Variants in ATN1 observed in about 807,000 individuals in gnomAD.
ATN1 encodes atrophin 1.
A neutral mutation model predicts 85.8 loss-of-function variants in ATN1; 19 were observed. The observed-to-expected ratio is 0.22, with a 90% CI of 0.15 to 0.32. The LOEUF is 0.32. ATN1 is among the 10% of genes least tolerant of loss of function. The pLI is 1.00. For synonymous variants in ATN1, 674 were observed against 657.0 expected, an observed-to-expected ratio of 1.03 and a Z score of -0.39; for missense variants, 1,453 against 1,564.5, an observed-to-expected ratio of 0.93 and a Z score of 1.20.
rs373711205 is a variant in ATN1, at chr12:6,937,130, G to A, written c.1863G>A (p.Val621=). The change falls in exon 5 of 10, where the codon GTG becomes GTA. Residue 621 remains valine (V), a synonymous_variant. Transcript: ENST00000396684. This position sits in a 1 kb window ranked among gnomAD's most constrained non-coding sequence, Gnocchi z 6.0. ...SATLSTVIAT[V]ASSPAGYKTA... ...CCCTTTCCACGGTCATTGCCACCGT[G>A]GCTTCCTCGCCAGCAGGCTACAAAA... is the stretch of plus-strand genomic sequence containing the variant. 2 of 1,611,400 alleles carry A rather than the reference G, an allele frequency of 1.2e-6. No homozygotes were observed. The highest frequency in any genetic ancestry group is 2.7e-5 in the African/African-American group (2 of 74,874).
chr12:6,937,715 CCG>C lies in ATN1; in HGVS notation c.2295-128_2295-127del. On this transcript the variant is annotated intron_variant, in intron 5 of 9. Coordinates refer to ENST00000396684, the MANE Select transcript of ATN1 (RefSeq NM_001940.4). The surrounding 1 kb of genome is among the most constrained non-coding windows in gnomAD (Gnocchi z 6.0). ...GTCCAGGCCTAGTGGCCAGTGAGGCCCGCAGCAGCTCACAGCCTGCAGGGGTG... is the reference window on the plus strand; with the variant it reads ...GTCCAGGCCTAGTGGCCAGTGAGGCCCAGCAGCTCACAGCCTGCAGGGGTG... The C allele has an allele frequency of 2.1e-6, 3 of 1,444,874 alleles. No individual in the cohort carries two copies. The highest frequency in any genetic ancestry group is 2.7e-6 in the Non-Finnish European group (3 of 1,102,072). The allele number at this position is 1,444,874 out of a possible 1,614,324, so 89.5% of individuals were successfully genotyped here.
intron 7 of ATN1, 138 bp from the exon 8 acceptor site, chr12:6,940,742 T>G: frequency 9.4e-7 from 1 of 1,065,478 alleles, no homozygotes; most frequent in Non-Finnish European, 1.4e-6. Flanking sequence ...CCTCTAGTTC[T>G]TCCACTCTGC....
intron 1 of ATN1, among the ~76,000 whole-genome samples, chr12:6,929,063 C>A (rs2138201112): frequency 6.6e-6 from 1 of 152,324 alleles, no homozygotes; most frequent in South Asian, 2.1e-4. Flanking sequence ...CAGGTCACCT[C>A]TGACCCTGTT....
intron 1 of ATN1, among the ~76,000 whole-genome samples, chr12:6,930,353 G>A (rs74685094): frequency 1.3e-5 from 2 of 152,134 alleles, no homozygotes; most frequent in Non-Finnish European, 1.5e-5. Context: ...TAGCCTGCGA[G>A]CCCCTCCCAG....
At position 6,935,872 on chromosome 12, in the gene ATN1, C is replaced by T. The variant is rs781803346; in HGVS notation, c.605C>T (p.Thr202Ile). ...TGYHAPMEPP[T>I]SRMFQAPPGA... is the part of the protein sequence containing the mutation. ...TATCATGCTCCCATGGAGCCCCCCA[C>T]ATCTCGAATGTTCCAGGCTCCTCCT... Residue 202 changes from threonine (T) to isoleucine (I), a missense_variant, in exon 5 of 10, where the codon ACA becomes ATA. Thr to Ile is a moderately conservative substitution (Grantham distance 89). Transcript: ENST00000396684. This position sits in a 1 kb window ranked among gnomAD's most constrained non-coding sequence, Gnocchi z 5.3. 6.2e-7 allele frequency: 1 copy of T among 1,613,808 alleles called. No individual in the cohort carries two copies. Among genetic ancestry groups the T allele is most frequent in the South Asian group, 1.1e-5 (1 of 91,058 alleles).
At position 6,937,838 on chromosome 12, in the gene ATN1, C is replaced by T. The variant is rs1555144058; in HGVS notation, c.2295-7C>T. On this transcript the variant is annotated splice_polypyrimidine_tract_variant and splice_region_variant and intron_variant, in intron 5 of 9. Coordinates refer to ENST00000396684, the MANE Select transcript of ATN1 (RefSeq NM_001940.4). This position sits in a 1 kb window ranked among gnomAD's most constrained non-coding sequence, Gnocchi z 6.0. ...GCCTGAGCGCCCGCTGCTTCCACGC[C>T]CGGCAGGTTCAACAAACACCTGGAT... 1.9e-6 allele frequency: 3 copies of T among 1,551,072 alleles called. No individual in the cohort carries two copies. Among genetic ancestry groups the T allele is most frequent in the South Asian group, 2.4e-5 (2 of 83,786 alleles).
chr12:6,938,039 A>G lies in ATN1; in HGVS notation c.2489A>G (p.Glu830Gly). 1 of 1,546,364 alleles carries G rather than the reference A, an allele frequency of 6.5e-7. No individual in the cohort carries two copies. Among genetic ancestry groups the G allele is most frequent in the Non-Finnish European group, 8.7e-7 (1 of 1,146,280 alleles). Residue 830 changes from glutamate (E) to glycine (G), a missense_variant, in exon 6 of 10, where the codon GAG becomes GGG. Coordinates refer to ENST00000396684, the MANE Select transcript of ATN1 (RefSeq NM_001940.4). Reference sequence around the variant, plus strand: ...GAACGCGAGAAAGAGCGCGAGCGCGAGAAGGAGCGCGAGCTTGAACGCAGC... The same window carrying G: ...GAACGCGAGAAAGAGCGCGAGCGCGGGAAGGAGCGCGAGCTTGAACGCAGC... ...EREREKERER[E>G]KERELERSVK...
chr12:6,925,400 CAGAA>C (rs371890967), upstream of ATN1, among the ~76,000 whole-genome samples: 597 of 151,690 alleles, frequency 3.9e-3, 1 homozygote, highest in African/African-American at 0.014. Flanking sequence ...CTGAGTGGTA[CAGAA>C]AGAGAGGAAA....
At chr12:6,924,690 T>C (rs1945379122), upstream of ATN1, among the ~76,000 whole-genome samples, 2 of 152,210 alleles carry the variant, frequency 1.3e-5, no homozygotes, top group African/African-American at 4.8e-5. Context: ...ATGCCCCCTT[T>C]CCATTTCTGT....
chr12:6,934,110 A>G lies in ATN1; in HGVS notation c.28-66A>G. 1 of 1,613,472 alleles carries G rather than the reference A, an allele frequency of 6.2e-7. No homozygotes were observed. The highest frequency in any genetic ancestry group is 8.5e-7 in the Non-Finnish European group (1 of 1,179,426). On this transcript the variant is annotated intron_variant, in intron 2 of 9. Transcript: ENST00000396684. The surrounding 1 kb of genome is among the most constrained non-coding windows in gnomAD (Gnocchi z 4.5). ...AGGGTCTAGAGAAGAAGAACAAATAATGTGCACCATAAAGTTAGGTGCAAT... is the reference window on the plus strand; with the variant it reads ...AGGGTCTAGAGAAGAAGAACAAATAGTGTGCACCATAAAGTTAGGTGCAAT...
At chr12:6,938,412 G>A (rs976628740) in intron 6 of ATN1, 69 bp from the exon 7 acceptor site, 1 of 1,501,752 alleles carries the variant, frequency 6.7e-7, no homozygotes, top group African/African-American at 1.4e-5. Context: ...GAAACAAATG[G>A]GCAGCTTAAA....
upstream of ATN1, among the ~76,000 whole-genome samples, chr12:6,924,879 T>C: frequency 6.6e-6 from 1 of 152,176 alleles, no homozygotes; most frequent in East Asian, 1.9e-4. Flanking sequence ...TGAGCCTAGT[T>C]CCTAGCCTCT....
At position 6,933,940 on chromosome 12, in the gene ATN1, C is replaced by T. The variant is rs1555143270; in HGVS notation, c.-62C>T. 2 of 1,564,864 alleles carry T rather than the reference C, an allele frequency of 1.3e-6. No individual in the cohort carries two copies. The highest frequency in any genetic ancestry group is 1.7e-6 in the Non-Finnish European group (2 of 1,152,528). On this transcript the variant is annotated 5_prime_UTR_variant, in exon 2 of 10. Transcript: ENST00000396684. ...CAGCTGTGGGGAACTTGGGGTGGAGCAGAGAAGTTTCTGTATTCAGCTGCC... is the reference window on the plus strand; with the variant it reads ...CAGCTGTGGGGAACTTGGGGTGGAGTAGAGAAGTTTCTGTATTCAGCTGCC...
At position 6,934,358 on chromosome 12, in the gene ATN1, G is replaced by A; in HGVS notation, c.165+45G>A. On this transcript the variant is annotated intron_variant, in intron 3 of 9. Transcript: ENST00000396684. The surrounding 1 kb of genome is among the most constrained non-coding windows in gnomAD (Gnocchi z 4.5). Reference sequence around the variant, plus strand: ...TCCCACAGGATGCCCAAGGCACTGGGGCTGAGGGTGTGTGTGTGTTGTGGG... The same window carrying A: ...TCCCACAGGATGCCCAAGGCACTGGAGCTGAGGGTGTGTGTGTGTTGTGGG... 1.3e-6 allele frequency: 2 copies of A among 1,590,134 alleles called. No homozygotes were observed. Among genetic ancestry groups the A allele is most frequent in the Non-Finnish European group, 1.7e-6 (2 of 1,168,526 alleles).
chr12:6,927,609 C>G (rs1945411122), upstream of ATN1, among the ~76,000 whole-genome samples: 1 of 150,684 alleles, frequency 6.6e-6, no homozygotes, highest in Non-Finnish European at 1.5e-5. Flanking sequence ...CCCTCGGCCT[C>G]GGCCTCGGCC....
chr12:6,924,958 T>C (rs74057222), upstream of ATN1, among the ~76,000 whole-genome samples: 6,516 of 152,116 alleles, frequency 0.043, 442 homozygotes, highest in African/African-American at 0.14. Context: ...CCCCAAAGTA[T>C]CGGGGTTGGA....
chr12:6,925,034 GC>G (rs1463234501), upstream of ATN1, among the ~76,000 whole-genome samples: 1 of 152,070 alleles, frequency 6.6e-6, no homozygotes, highest in Non-Finnish European at 1.5e-5. Context: ...TTGTGCCGTT[GC>G]CTGGAGACCA....
chr12:6,940,618 AG>A (rs1945621377), intron 7 of ATN1, among the ~76,000 whole-genome samples: 1 of 151,996 alleles, frequency 6.6e-6, no homozygotes, highest in Non-Finnish European at 1.5e-5. Context: ...TTCTTCACGC[AG>A]TCTACCTCTC....
rs1202883526 is a variant in ATN1, at chr12:6,941,391, C to T, written c.3376C>T (p.Leu1126=). Residue 1126 remains leucine (L), a synonymous_variant, in exon 9 of 10, where the codon CTG becomes TTG. Coordinates refer to ENST00000396684, the MANE Select transcript of ATN1 (RefSeq NM_001940.4). The surrounding 1 kb of genome is among the most constrained non-coding windows in gnomAD (Gnocchi z 5.9). ...HQLFAAPYRD[L]PASLSAPMSA... ...GCTCACAGCTGCCCCTTACCGGGAC[C>T]TGCCGGCCTCCCTTTCTGCCCCGAT... 1 of 1,602,642 alleles carries T rather than the reference C, an allele frequency of 6.2e-7. No individual in the cohort carries two copies. The highest frequency in any genetic ancestry group is 8.5e-7 in the Non-Finnish European group (1 of 1,173,708).
Sources: allele counts gnomAD v4.1 joint callset (sites outside exome capture counted in the v4.1 genomes callset), GRCh38; gene constraint gnomAD v4.1.1; non-coding constraint Gnocchi (gnomAD v3.1); transcripts MANE v1.5; gene names NCBI Gene and HGNC (gene_info 2026-07-23, HGNC 2026-07-21).